The following GPCPD1 variants were observed in gnomAD, a reference collection of about 807,000 sequenced individuals.
The protein encoded by GPCPD1 is glycerophosphocholine phosphodiesterase 1.
GPCPD1 carries 29 observed loss-of-function variants against 89.2 expected under a neutral mutation model. The observed-to-expected ratio is 0.33, with a 90% CI of 0.24 to 0.44. GPCPD1 has a LOEUF of 0.44. Ranked by LOEUF, GPCPD1 falls within the 20% of genes least tolerant of loss-of-function variation. The probability of loss-of-function intolerance (pLI) is 1.00; values close to 1 mark genes in which losing one functional copy is unlikely to be tolerated. For missense variants in GPCPD1, 594 were observed against 808.9 expected (o/e 0.73, Z 3.22); for synonymous variants, 258 against 266.3 (o/e 0.97, Z 0.30).
chr20:5,567,165 T>C (rs574472734), intron 13 of GPCPD1, among the ~76,000 whole-genome samples: 56 of 152,284 alleles, frequency 3.7e-4, no homozygotes, highest in African/African-American at 1.2e-3. Context: ...GACCATTATA[T>C]GAAGAAGGGC....
At chr20:5,590,039 T>C (rs897767746) in intron 4 of GPCPD1, among the ~76,000 whole-genome samples, 1 of 152,214 alleles carries the variant, frequency 6.6e-6, no homozygotes, top group African/African-American at 2.4e-5. Flanking sequence ...CTTAAACAGT[T>C]ACTGACATCA....
Position 5,569,636 on chromosome 20 carries a change from C to T in GPCPD1, c.1149+511G>A, listed in dbSNP as rs562395595. Among the ~76,000 whole-genome samples the T allele has an allele frequency of 2.0e-5, 3 of 152,200 alleles. No individual in the cohort carries two copies. In the East Asian group the frequency reaches 5.8e-4, roughly 29 times the overall value. ...CTGAAATTCCTATTTCATCAGCTAC[C>T]AAAACATTAGTCTTGAACATTTCCC... is the stretch of plus-strand genomic sequence containing the variant. On this transcript the variant is annotated intron_variant, in intron 12 of 19. Transcript: ENST00000379019.
At chr20:5,557,845 G>A in intron 19 of GPCPD1, 100 bp downstream of exon 19, 1 of 665,314 alleles carries the variant, frequency 1.5e-6, no homozygotes. Flanking sequence ...AGGCTGAACT[G>A]CAGAATTTTA....
chr20:5,576,247 CGTTT>C (rs1978288495), intron 8 of GPCPD1, among the ~76,000 whole-genome samples: 1 of 151,766 alleles, frequency 6.6e-6, no homozygotes, highest in African/African-American at 2.4e-5. Flanking sequence ...AGTGAAACCC[CGTTT>C]CTACTAAAAA....
At chr20:5,606,045 C>G in intron 1 of GPCPD1, among the ~76,000 whole-genome samples, 1 of 152,122 alleles carries the variant, frequency 6.6e-6, no homozygotes, top group East Asian at 1.9e-4. Context: ...AAACTCCAAG[C>G]CTTTGAAGTT....
At chr20:5,550,418 T>C (rs781451386) in intron 19 of GPCPD1, among the ~76,000 whole-genome samples, 53 of 152,040 alleles carry the variant, frequency 3.5e-4, no homozygotes, top group Non-Finnish European at 6.8e-4. Context: ...ATCAAAAGAA[T>C]TATTTTTGAA....
rs146550851 is a variant in GPCPD1, at chr20:5,580,117, G to A, written c.364C>T (p.Leu122=). ...TGACATGTCAGCCATCCAGAATCCA[G>A]AGTTTCAACACCATCTGACAGAATA... is the stretch of plus-strand genomic sequence containing the variant. ...QFGIHNGVET[L]DSGWLTCQTE... is the part of the protein sequence containing the mutation. Residue 122 remains leucine, a synonymous_variant, in exon 7 of 20, where the codon CTG becomes TTG. Coordinates refer to ENST00000379019, the MANE Select transcript of GPCPD1 (RefSeq NM_019593.5). 8 of 1,497,438 alleles carry A rather than the reference G, an allele frequency of 5.3e-6. No homozygotes were observed. In the Admixed American group the frequency reaches 6.8e-5, roughly 13 times the overall value. 92.8% of individuals were successfully genotyped at this position (1,497,438 alleles called of 1,614,324 possible). A position where few individuals can be genotyped will look rare whatever the true frequency, so the allele number is the denominator to read the frequency against.
rs138965432 is a variant in GPCPD1 at position 5,606,131 on chromosome 20, T to C, written c.-28-1691A>G. On this transcript the variant is annotated intron_variant, in intron 1 of 19. Transcript: ENST00000379019. ...GTCAGTCAAAGGAATCTGTTTCCCATCCACTAACTTAAGTACCTAAAGGAA... is the reference window on the plus strand; with the variant it reads ...GTCAGTCAAAGGAATCTGTTTCCCACCCACTAACTTAAGTACCTAAAGGAA... Among the ~76,000 whole-genome samples the C allele has an allele frequency of 9.6e-4, 146 of 152,310 alleles. 1 individual carries two copies. Among genetic ancestry groups the C allele is most frequent in the African/African-American group, 2.6e-3 (109 of 41,558 alleles).
chr20:5,602,984 A>G (rs1232183841), intron 2 of GPCPD1, among the ~76,000 whole-genome samples: 148 of 107,396 alleles, frequency 1.4e-3, no homozygotes, highest in Non-Finnish European at 1.5e-3. Flanking sequence ...CTCCATCTCA[A>G]TTAAAAAAAA....
intron 19 of GPCPD1, chr20:5,548,406 A>G (rs562633175): frequency 7.9e-5 from 12 of 152,360 alleles, no homozygotes; most frequent in African/African-American, 2.9e-4. Context: ...CAGCCAGGCA[A>G]CTATGTAAGG....
chr20:5,559,974 C>G lies in GPCPD1; in HGVS notation c.1498G>C (p.Val500Leu). The change falls in exon 17 of 20, where the codon GTG becomes CTG. Residue 500 changes from valine to leucine, a missense_variant. Physicochemically the swap from Val to Leu is conservative, Grantham distance 32. Coordinates refer to ENST00000379019, the MANE Select transcript of GPCPD1 (RefSeq NM_019593.5). Reference sequence around the variant, plus strand: ...ATATCTGCATCAAATGAAGAAAACACTATTCTCCTCTTCCCAGAATTTTCT... The same window carrying G: ...ATATCTGCATCAAATGAAGAAAACAGTATTCTCCTCTTCCCAGAATTTTCT... ...VLENSGKRRI[V>L]FSSFDADICT... 1 of 1,557,182 alleles carries G rather than the reference C, an allele frequency of 6.4e-7. No homozygotes were observed. Among genetic ancestry groups the G allele is most frequent in the Non-Finnish European group, 8.7e-7 (1 of 1,143,082 alleles).
intron 15 of GPCPD1, 149 bp from the exon 16 acceptor site, chr20:5,561,679 G>T (rs2076079306): frequency 3.7e-6 from 2 of 538,410 alleles, no homozygotes; most frequent in Non-Finnish European, 6.6e-6. Context: ...AACATATTTT[G>T]TCATACTCAA....
At chr20:5,605,665 CT>C (rs1980534861) in intron 1 of GPCPD1, among the ~76,000 whole-genome samples, 1 of 152,104 alleles carries the variant, frequency 6.6e-6, no homozygotes, top group Non-Finnish European at 1.5e-5. Context: ...GTAATCTCAG[CT>C]ACTCAGGAGG....
At chr20:5,576,375 G>A (rs1387835153) in intron 8 of GPCPD1, among the ~76,000 whole-genome samples, 2 of 142,484 alleles carry the variant, frequency 1.4e-5, no homozygotes, top group Admixed American at 7.4e-5. Context: ...AGCTGAGATC[G>A]TACCACTGCA....
At chr20:5,581,782 C>T (rs1267069579) in intron 6 of GPCPD1, among the ~76,000 whole-genome samples, 4 of 134,628 alleles carry the variant, frequency 3.0e-5, no homozygotes, top group Non-Finnish European at 6.1e-5. Context: ...TCTCTCCTAA[C>T]TTAAGAATGC....
chr20:5,546,746 G>C lies in GPCPD1; in HGVS notation c.*915C>G, dbSNP rs1231341101. On this transcript the variant is annotated 3_prime_UTR_variant, in exon 20 of 20. Transcript: ENST00000379019. ...AGCAACAGTGTGTAATAGGTAGTGA[G>C]AGACACACAAAATAAGCATATTTAA... 1 of 152,418 alleles carries C rather than the reference G, an allele frequency of 6.6e-6. No homozygotes were observed. Among genetic ancestry groups the C allele is most frequent in the African/African-American group, 2.4e-5 (1 of 41,390 alleles). The allele number at this position is 152,418 out of a possible 1,614,324, so 9.4% of individuals were successfully genotyped here.
In GPCPD1 at chr20:5,564,033, C is replaced by T. The variant is rs139664540; in HGVS notation, c.1329+984G>A. On this transcript the variant is annotated intron_variant, in intron 15 of 19. Coordinates refer to ENST00000379019, the MANE Select transcript of GPCPD1 (RefSeq NM_019593.5). ...CCTAAGAAATCTACTATACCTGACACGAGCAGAAAAAGACAACGAGAAAGA... is the reference window on the plus strand; with the variant it reads ...CCTAAGAAATCTACTATACCTGACATGAGCAGAAAAAGACAACGAGAAAGA... Among the ~76,000 whole-genome samples, 74 of 152,182 alleles carry T rather than the reference C, an allele frequency of 4.9e-4. No individual in the cohort carries two copies. In the East Asian group the frequency reaches 0.014, roughly 28 times the overall value.
At chr20:5,593,026 C>T (rs749585530) in intron 4 of GPCPD1, among the ~76,000 whole-genome samples, 32 of 152,170 alleles carry the variant, frequency 2.1e-4, no homozygotes, top group Admixed American at 2.0e-4. Flanking sequence ...AAAAGCTCTG[C>T]AAGTGGTTCC....
In GPCPD1 at chr20:5,570,091, G is replaced by C. The variant is rs1986622395; in HGVS notation, c.1149+56C>G. 5.1e-6 allele frequency: 4 copies of C among 780,698 alleles called. No individual in the cohort carries two copies. In the Admixed American group the frequency reaches 9.6e-5, roughly 19 times the overall value. 48.4% of individuals were successfully genotyped at this position (780,698 alleles called of 1,614,324 possible). ...ATTAAAAATATAAAAAAACTTCCTAGTTTTTAAACCTTTTACTTAACATTA... is the reference window on the plus strand; with the variant it reads ...ATTAAAAATATAAAAAAACTTCCTACTTTTTAAACCTTTTACTTAACATTA... On this transcript the variant is annotated intron_variant, in intron 12 of 19. Transcript: ENST00000379019.
Sources: gnomAD v4.1 joint callset for allele counts (sites outside exome capture counted in the v4.1 genomes callset) on GRCh38, gnomAD v4.1.1 for gene constraint, MANE v1.5 for transcripts, NCBI Gene and HGNC (gene_info 2026-07-23, HGNC 2026-07-21) for gene names.